RABGAP1L: variants seen among roughly 807,000 people sequenced by gnomAD.
The protein encoded by RABGAP1L is rab GTPase-activating protein 1-like.
Under a neutral mutation model 137.7 loss-of-function variants are expected in RABGAP1L, and 63 were observed. The observed-to-expected ratio is 0.46, with a 90% confidence interval of 0.37 to 0.56. The LOEUF is 0.56. RABGAP1L is among the 20% of genes least tolerant of loss of function. RABGAP1L has a pLI of 0.00. For missense variants in RABGAP1L, 1,095 were observed against 1,244.0 expected, an observed-to-expected ratio of 0.88 and a Z score of 1.80; for synonymous variants, 431 against 433.7, an observed-to-expected ratio of 0.99 and a Z score of 0.08.
At chr1:174,437,872 C>G (rs570363024) in intron 13 of RABGAP1L, among the ~76,000 whole-genome samples, 1 of 152,110 alleles carries the variant, frequency 6.6e-6, no homozygotes, top group Non-Finnish European at 1.5e-5. Flanking sequence ...GCTGATCTCT[C>G]GGCAGAAACC....
chr1:174,433,625 G>A lies in RABGAP1L; in HGVS notation c.1710+39480G>A, dbSNP rs549794289. Reference sequence around the variant, plus strand: ...GTCTCACTTGCAGCTGGGCTGTTGTGTCTTGAGTACAAACACTGAGCCATG... The same window carrying A: ...GTCTCACTTGCAGCTGGGCTGTTGTATCTTGAGTACAAACACTGAGCCATG... On this transcript the variant is annotated intron_variant, in intron 13 of 25. Transcript: ENST00000681986. Among the ~76,000 whole-genome samples the A allele has an allele frequency of 2.6e-5, 4 of 152,252 alleles. No homozygotes were observed. In the South Asian group the frequency reaches 8.3e-4, roughly 32 times the overall value.
At chr1:174,300,760 G>T (rs1407852732) in intron 10 of RABGAP1L, among the ~76,000 whole-genome samples, 1 of 152,104 alleles carries the variant, frequency 6.6e-6, no homozygotes, top group Middle Eastern at 3.2e-3. Context: ...ATAGCTACTT[G>T]GGAGGCTGAG....
At chr1:174,665,764 C>G (rs753977175) in intron 14 of RABGAP1L, among the ~76,000 whole-genome samples, 3 of 152,202 alleles carry the variant, frequency 2.0e-5, no homozygotes, top group Non-Finnish European at 4.4e-5. Flanking sequence ...TGTGCCCAGC[C>G]TTAGCTTCTT....
chr1:174,303,040 C>CTT (rs201856820), intron 10 of RABGAP1L, among the ~76,000 whole-genome samples: 70 of 146,078 alleles, frequency 4.8e-4, no homozygotes, highest in Non-Finnish European at 5.5e-4. Flanking sequence ...GGGGCATTTT[C>CTT]TTTTTTTTTT....
intron 19 of RABGAP1L, among the ~76,000 whole-genome samples, chr1:174,823,814 T>A (rs1691290909): frequency 6.6e-6 from 1 of 152,224 alleles, no homozygotes. Flanking sequence ...TCGCATGTTC[T>A]CCATAAATAT....
At chr1:174,639,302 G>T (rs1674333501) in intron 14 of RABGAP1L, among the ~76,000 whole-genome samples, 1 of 152,020 alleles carries the variant, frequency 6.6e-6, no homozygotes, top group Non-Finnish European at 1.5e-5. Context: ...TAATCTGAGA[G>T]TATACTGATC....
chr1:174,790,209 C>CA (rs112964112), intron 18 of RABGAP1L, among the ~76,000 whole-genome samples: 5,012 of 124,730 alleles, frequency 0.04, 117 homozygotes, highest in Middle Eastern at 0.12. Context: ...GACTTTGTCT[C>CA]AAAAAAAAAA....
chr1:174,168,631 GTCT>G (rs1415613840), intron 1 of RABGAP1L, among the ~76,000 whole-genome samples: 4 of 152,290 alleles, frequency 2.6e-5, no homozygotes, highest in African/African-American at 4.8e-5. Flanking sequence ...TTCAGTTAAT[GTCT>G]TCTTCTCTCC....
intron 17 of RABGAP1L, among the ~76,000 whole-genome samples, chr1:174,714,741 G>A (rs973819148): frequency 3.9e-5 from 6 of 152,094 alleles, no homozygotes; most frequent in African/African-American, 9.7e-5. Context: ...CTAGACACTC[G>A]TCTGTATTAT....
chr1:174,702,302 T>C lies in RABGAP1L; in HGVS notation c.2169+46T>C, dbSNP rs778900486. On this transcript the variant is annotated intron_variant, in intron 17 of 25. Transcript: ENST00000681986. ...CACTAAGCCAAAATAGAAAGTAGTT[T>C]CTACTAAAAATGGTTACAGTTTTCT... 4 of 1,496,762 alleles carry C rather than the reference T, an allele frequency of 2.7e-6. No individual in the cohort carries two copies. The East Asian group carries it at 9.8e-5, about 37-fold the overall frequency. The allele number at this position is 1,496,762 out of a possible 1,614,324, so 92.7% of individuals were successfully genotyped here. A position where few individuals can be genotyped will look rare whatever the true frequency, so the allele number is the denominator to read the frequency against.
intron 19 of RABGAP1L, among the ~76,000 whole-genome samples, chr1:174,893,453 T>C (rs1656607576): frequency 6.6e-6 from 1 of 152,184 alleles, no homozygotes. Context: ...CAATCACTTG[T>C]TAAGAGATTC....
At chr1:174,664,500 A>G (rs1325091879) in intron 14 of RABGAP1L, among the ~76,000 whole-genome samples, 1 of 152,120 alleles carries the variant, frequency 6.6e-6, no homozygotes, top group Non-Finnish European at 1.5e-5. Context: ...ATTTTAACTA[A>G]TTTTTTAAAT....
At chr1:174,789,721 A>G (rs1232760752) in intron 18 of RABGAP1L, among the ~76,000 whole-genome samples, 3 of 152,202 alleles carry the variant, frequency 2.0e-5, no homozygotes, top group African/African-American at 7.2e-5. Flanking sequence ...TGCTAAAGGA[A>G]ACAGAGGTTC....
chr1:174,550,857 A>AATATTATATATAT (rs1666379627), intron 13 of RABGAP1L, among the ~76,000 whole-genome samples: 1 of 61,830 alleles, frequency 1.6e-5, no homozygotes, highest in Non-Finnish European at 2.7e-5. Flanking sequence ...GTCTCTGCTA[A>AATATTATATATAT]ATATATATAT....
At chr1:174,912,964 A>G (rs1292704666) in intron 19 of RABGAP1L, among the ~76,000 whole-genome samples, 3 of 150,696 alleles carry the variant, frequency 2.0e-5, no homozygotes, top group East Asian at 3.9e-4. Context: ...TACTGTCTAC[A>G]TGCTTATTTC....
chr1:174,504,825 G>C (rs959336663), intron 13 of RABGAP1L, among the ~76,000 whole-genome samples: 4 of 152,010 alleles, frequency 2.6e-5, no homozygotes, highest in African/African-American at 9.7e-5. Context: ...TGATGTTTTA[G>C]ATATAATTCC....
intron 14 of RABGAP1L, among the ~76,000 whole-genome samples, chr1:174,678,075 A>T (rs1296648092): frequency 6.6e-6 from 1 of 152,158 alleles, no homozygotes; most frequent in Non-Finnish European, 1.5e-5. Flanking sequence ...GATAAATCAT[A>T]TACAGATATT....
intron 13 of RABGAP1L, among the ~76,000 whole-genome samples, chr1:174,615,924 C>T (rs755908129): frequency 1.3e-5 from 2 of 152,216 alleles, no homozygotes; most frequent in South Asian, 2.1e-4. Context: ...TTTTTAAGCC[C>T]GTTGGAAAAG....
At chr1:174,930,823 A>C (rs1344616590) in intron 19 of RABGAP1L, among the ~76,000 whole-genome samples, 1 of 152,182 alleles carries the variant, frequency 6.6e-6, no homozygotes, top group Admixed American at 6.5e-5. Flanking sequence ...ATATCTTAAC[A>C]CATAAGGACT....
Sources: gnomAD v4.1 joint callset for allele counts (sites outside exome capture counted in the v4.1 genomes callset) on GRCh38, gnomAD v4.1.1 for gene constraint, MANE v1.5 for transcripts, NCBI Gene and HGNC (gene_info 2026-07-23, HGNC 2026-07-21) for gene names.